Variants in SLC22A23 observed in about 807,000 individuals in gnomAD.
SLC22A23 encodes the protein ion transporter protein.
A neutral mutation model predicts 61.0 loss-of-function variants in SLC22A23; 26 were observed. That is an observed-to-expected ratio of 0.43 (90% CI 0.31 to 0.59). The LOEUF is 0.59. Ranked by LOEUF, SLC22A23 falls within the 20% of genes least tolerant of loss-of-function variation. SLC22A23 has a pLI of 0.11. For synonymous variants in SLC22A23, 430 were observed against 413.9 expected (o/e 1.04, Z -0.47); for missense variants, 796 against 934.7 (o/e 0.85, Z 1.94).
intron 1 of SLC22A23, among the ~76,000 whole-genome samples, chr6:3,448,659 A>G (rs2127557567): frequency 6.6e-6 from 1 of 152,050 alleles, no homozygotes; most frequent in African/African-American, 2.4e-5. Flanking sequence ...ACGCCCTCCT[A>G]ATTTTTTTGT....
chr6:3,349,274 C>G (rs1361504117), intron 3 of SLC22A23, among the ~76,000 whole-genome samples: 1 of 152,200 alleles, frequency 6.6e-6, no homozygotes, highest in African/African-American at 2.4e-5. Context: ...ACTGGGCAGT[C>G]AGAGCCCCAA....
intron 3 of SLC22A23, among the ~76,000 whole-genome samples, chr6:3,366,491 G>C (rs938009736): frequency 6.6e-6 from 1 of 152,018 alleles, no homozygotes; most frequent in Non-Finnish European, 1.5e-5. Context: ...CTGTGTTGTG[G>C]GGAGATGGGT....
chr6:3,301,226 GT>G (rs1399346707), intron 4 of SLC22A23, among the ~76,000 whole-genome samples: 1 of 151,940 alleles, frequency 6.6e-6, no homozygotes, highest in Non-Finnish European at 1.5e-5. Flanking sequence ...TTTCTGATGC[GT>G]TTGGGTTTAG....
chr6:3,278,750 C>T (rs573257439), intron 9 of SLC22A23, among the ~76,000 whole-genome samples: 1 of 152,202 alleles, frequency 6.6e-6, no homozygotes, highest in African/African-American at 2.4e-5. Context: ...TTCTGGTAGA[C>T]CTGGCTCTTT....
chr6:3,304,776 G>A lies in SLC22A23; in HGVS notation c.1083-6558C>T, dbSNP rs141656188. On this transcript the variant is annotated intron_variant, in intron 4 of 9. Transcript: ENST00000406686. This position sits in a 1 kb window ranked among gnomAD's most constrained non-coding sequence, Gnocchi z 4.3. ...TCCCCTCGTACTGCTGGAGGTGTGT[G>A]GGGCAGGACCCAGAGGTAAGGCATG... 2.4e-4 allele frequency among the ~76,000 whole-genome samples: 37 copies of A among 152,284 alleles called. No homozygotes were observed. Among genetic ancestry groups the A allele is most frequent in the East Asian group, 1.4e-3 (7 of 5,154 alleles).
At chr6:3,326,425 C>T (rs1763285770) in intron 3 of SLC22A23, among the ~76,000 whole-genome samples, 1 of 152,130 alleles carries the variant, frequency 6.6e-6, no homozygotes, top group Admixed American at 6.5e-5. Context: ...AGAGAATCAG[C>T]ATCTGCATCT....
chr6:3,384,440 A>C (rs1454581022), intron 3 of SLC22A23, among the ~76,000 whole-genome samples: 1 of 152,248 alleles, frequency 6.6e-6, no homozygotes, highest in Non-Finnish European at 1.5e-5. Context: ...TGGGAAAATC[A>C]CTTAAAAAAC....
In SLC22A23 at chr6:3,324,220, G is replaced by T; in HGVS notation, c.914-218C>A. On this transcript the variant is annotated intron_variant, in intron 3 of 9. Transcript: ENST00000406686. This position sits in a 1 kb window ranked among gnomAD's most constrained non-coding sequence, Gnocchi z 4.3. The stretch of plus-strand genomic sequence containing the variant: ...GTGAGACGGTTGTTCAAGGCCACAG[G>T]GCTAGTCGATGACGAAGGGATGCTA... The T allele has an allele frequency of 1.7e-6, 1 of 582,178 alleles. No homozygotes were observed. The highest frequency in any genetic ancestry group is 3.0e-6 in the Non-Finnish European group (1 of 329,046). The allele number at this position is 582,178 out of a possible 1,614,324, so 36.1% of individuals were successfully genotyped here. A position where few individuals can be genotyped will look rare whatever the true frequency, so the allele number is the denominator to read the frequency against.
rs770873203 is a variant in SLC22A23 at position 3,273,328 on chromosome 6, G to T, written c.1788C>A (p.Gly596=). Residue 596 remains glycine (G), a synonymous_variant, in exon 10 of 10, where the codon GGC becomes GGA. Transcript: ENST00000406686. ...APIIELHNQK[G]YFLHHIIFAC... ...CAAAGATGATGTGGTGCAGGAAGTA[G>T]CCTTTCTGGTTGTGCAGCTCGATGA... 1 of 1,614,096 alleles carries T rather than the reference G, an allele frequency of 6.2e-7. No homozygotes were observed. Among genetic ancestry groups the T allele is most frequent in the East Asian group, 2.2e-5 (1 of 44,886 alleles).
chr6:3,278,071 C>T (rs1759076501), intron 9 of SLC22A23, among the ~76,000 whole-genome samples: 1 of 152,176 alleles, frequency 6.6e-6, no homozygotes, highest in Non-Finnish European at 1.5e-5. Flanking sequence ...CTCTGAGAGA[C>T]CTGGAGCAGA....
intron 4 of SLC22A23, chr6:3,312,351 A>G (rs963744524): frequency 1.3e-5 from 2 of 152,178 alleles, no homozygotes; most frequent in Non-Finnish European, 2.9e-5. Context: ...AGGCACACAG[A>G]GCCTTCGAAA....
chr6:3,448,743 C>A (rs1772035296), intron 1 of SLC22A23, among the ~76,000 whole-genome samples: 1 of 152,192 alleles, frequency 6.6e-6, no homozygotes, highest in Admixed American at 6.5e-5. Context: ...ATCCGCCCAC[C>A]TCGGCCTCCC....
Position 3,299,998 on chromosome 6 carries a change from C to CTTTTTTTTTT in SLC22A23, c.1083-1790_1083-1781dup, listed in dbSNP as rs869114176. On this transcript the variant is annotated intron_variant, in intron 4 of 9. Transcript: ENST00000406686. ...ACCTGCTTTGCAAGCTCAGGATAGACTTTTTTTTTTTTTTTTTTTTTTTTT... is the reference window on the plus strand; with the variant it reads ...ACCTGCTTTGCAAGCTCAGGATAGACTTTTTTTTTTTTTTTTTTTTTTTTTTTTTTTTTTT... Among the ~76,000 whole-genome samples, 58 of 78,802 alleles carry CTTTTTTTTTT rather than the reference C, an allele frequency of 7.4e-4. 12 individuals are homozygous for CTTTTTTTTTT. The East Asian group carries it at 0.012, about 17-fold the overall frequency. The allele number at this position is 78,802 out of a possible 152,430, so 51.7% of individuals were successfully genotyped here. A position where few individuals can be genotyped will look rare whatever the true frequency, so the allele number is the denominator to read the frequency against.
At chr6:3,314,925 C>A (rs1292369630) in intron 4 of SLC22A23, among the ~76,000 whole-genome samples, 1 of 152,088 alleles carries the variant, frequency 6.6e-6, no homozygotes, top group African/African-American at 2.4e-5. Flanking sequence ...GCAGCGTGAT[C>A]CTTCTCTAAT....
intron 9 of SLC22A23, among the ~76,000 whole-genome samples, chr6:3,275,246 G>T (rs1017773240): frequency 3.3e-5 from 5 of 151,934 alleles, no homozygotes; most frequent in African/African-American, 1.2e-4. Context: ...GGTGGTGCTG[G>T]GACAACAGGA....
chr6:3,395,607 G>A (rs191898622), intron 3 of SLC22A23, among the ~76,000 whole-genome samples: 6 of 152,284 alleles, frequency 3.9e-5, no homozygotes, highest in Admixed American at 3.3e-4. Context: ...CCATTATAGC[G>A]AATGACTGAG....
rs1561911098 is a variant in SLC22A23, at chr6:3,342,751, C to CAAA, written c.914-18750_914-18749insTTT. On this transcript the variant is annotated intron_variant, in intron 3 of 9. Coordinates refer to ENST00000406686, the MANE Select transcript of SLC22A23 (RefSeq NM_015482.2). The surrounding 1 kb of genome is among the most constrained non-coding windows in gnomAD (Gnocchi z 4.0). ...TAGTGCTGGGGATGAAAACCTTTTC[C>CAAA]TCCACCCTCCTAGGGTCAGTGCTTG... Among the ~76,000 whole-genome samples the CAAA allele has an allele frequency of 1.3e-5, 2 of 152,168 alleles. No individual in the cohort carries two copies. The highest frequency in any genetic ancestry group is 4.8e-5 in the African/African-American group (2 of 41,430).
intron 3 of SLC22A23, among the ~76,000 whole-genome samples, chr6:3,378,185 T>C (rs1172477497): frequency 6.6e-6 from 1 of 152,250 alleles, no homozygotes; most frequent in Non-Finnish European, 1.5e-5. Flanking sequence ...TTTGTACTTT[T>C]TGCTCAGCTG....
intron 5 of SLC22A23, among the ~76,000 whole-genome samples, chr6:3,294,613 C>A (rs1760912119): frequency 6.6e-6 from 1 of 152,192 alleles, no homozygotes; most frequent in African/African-American, 2.4e-5. Flanking sequence ...GGCCACACGG[C>A]CACATTGGGA....
Sources: gnomAD v4.1 joint callset for allele counts (sites outside exome capture counted in the v4.1 genomes callset) on GRCh38, gnomAD v4.1.1 for gene constraint, Gnocchi (gnomAD v3.1) non-coding constraint, MANE v1.5 for transcripts, NCBI Gene and HGNC (gene_info 2026-07-23, HGNC 2026-07-21) for gene names.